Variants in GRM8 observed in about 807,000 individuals in gnomAD.
The protein encoded by GRM8 is metabotropic glutamate receptor 8.
GRM8 carries 47 observed loss-of-function variants against 87.2 expected under a neutral mutation model. The observed-to-expected ratio is 0.54, with a 90% CI of 0.43 to 0.69. GRM8 has a LOEUF of 0.69. Ranked by LOEUF, GRM8 falls within the 30% of genes least tolerant of loss-of-function variation. The pLI is 0.00. For missense variants in GRM8, 1,019 were observed against 1,139.2 expected (o/e 0.89, Z 1.52); for synonymous variants, 396 against 404.5 (o/e 0.98, Z 0.25).
In GRM8 at chr7:126,609,503, A is replaced by G. The variant is rs376941401; in HGVS notation, c.1358-5T>C. On this transcript the variant is annotated splice_polypyrimidine_tract_variant and splice_region_variant and intron_variant, in intron 7 of 10. Coordinates refer to ENST00000339582, the MANE Select transcript of GRM8 (RefSeq NM_000845.3). The stretch of plus-strand genomic sequence containing the variant: ...TGACAGGAGTGCCAGCACTGCCTAT[A>G]AAGATTTAGAAAACAATGTTAATAA... 66 of 1,603,874 alleles carry G rather than the reference A, an allele frequency of 4.1e-5. No homozygotes were observed. The highest frequency in any genetic ancestry group is 5.5e-5 in the Non-Finnish European group (65 of 1,174,752).
intron 2 of GRM8, among the ~76,000 whole-genome samples, chr7:127,197,821 G>T (rs772518447): frequency 4.6e-5 from 7 of 152,094 alleles, no homozygotes; most frequent in African/African-American, 1.7e-4. Flanking sequence ...TAAATGATGT[G>T]GGGCACAGAA....
intron 7 of GRM8, among the ~76,000 whole-genome samples, chr7:126,765,711 T>C (rs1352133086): frequency 6.6e-6 from 1 of 152,118 alleles, no homozygotes; most frequent in Non-Finnish European, 1.5e-5. Context: ...TTAAAAATTA[T>C]AGAAATAACA....
intron 9 of GRM8, among the ~76,000 whole-genome samples, chr7:126,480,241 C>T (rs144261112): frequency 0.013 from 1,971 of 152,000 alleles, 42 homozygotes; most frequent in African/African-American, 0.046. Context: ...AGAAATTAGC[C>T]GGGTGTGGGG....
Position 127,243,147 on chromosome 7 carries a change from T to C in GRM8, c.58A>G (p.Lys20Glu). The C allele has an allele frequency of 6.2e-7, 1 of 1,613,722 alleles. No homozygotes were observed. The highest frequency in any genetic ancestry group is 1.1e-5 in the South Asian group (1 of 91,076). The change falls in exon 2 of 11, where the codon AAG (lysine) becomes GAG (glutamate). Residue 20 changes from lysine (K) to glutamate (E), a missense_variant. By Grantham distance (56) the Lys-to-Glu change is moderately conservative (BLOSUM62 1). Coordinates refer to ENST00000339582, the MANE Select transcript of GRM8 (RefSeq NM_000845.3). ...SCPCFFLLTAKFYWILTMMQR... is the reference protein window; with the variant it reads ...SCPCFFLLTAEFYWILTMMQR... Reference sequence around the variant, plus strand: ...ATCATTGTGAGGATCCAGTAGAACTTGGCGGTCAAGAGGAAGAAACAAGGG... The same window carrying C: ...ATCATTGTGAGGATCCAGTAGAACTCGGCGGTCAAGAGGAAGAAACAAGGG...
intron 8 of GRM8, among the ~76,000 whole-genome samples, chr7:126,546,765 A>G (rs564574551): frequency 2.0e-5 from 3 of 152,282 alleles, no homozygotes; most frequent in African/African-American, 7.2e-5. Flanking sequence ...TTACAGTAAG[A>G]TACTCTCTCC....
chr7:126,642,659 C>T (rs887577230), intron 7 of GRM8, among the ~76,000 whole-genome samples: 2 of 151,618 alleles, frequency 1.3e-5, no homozygotes, highest in East Asian at 3.9e-4. Flanking sequence ...ATAATAATAA[C>T]AATAATAATA....
chr7:127,144,398 T>C (rs970150869), intron 2 of GRM8, among the ~76,000 whole-genome samples: 1 of 152,116 alleles, frequency 6.6e-6, no homozygotes, highest in Non-Finnish European at 1.5e-5. Flanking sequence ...CAGTGCTGTT[T>C]TGGGAAAGCA....
At chr7:126,537,517 T>C (rs1287637283) in intron 8 of GRM8, among the ~76,000 whole-genome samples, 1 of 152,098 alleles carries the variant, frequency 6.6e-6, no homozygotes, top group Admixed American at 6.6e-5. Flanking sequence ...TGGCTCAAGC[T>C]TGTAATCCTA....
intron 2 of GRM8, among the ~76,000 whole-genome samples, chr7:127,174,387 G>A (rs1194920502): frequency 6.6e-6 from 1 of 152,116 alleles, no homozygotes. Flanking sequence ...CCCATTCTCT[G>A]AACAGAAGGA....
intron 3 of GRM8, among the ~76,000 whole-genome samples, chr7:126,908,954 A>G (rs1314007700): frequency 6.6e-6 from 1 of 152,204 alleles, no homozygotes; most frequent in Admixed American, 6.5e-5. Context: ...GAAGACTGGG[A>G]TTATTTCCTT....
chr7:127,178,473 A>T (rs1794242069), intron 2 of GRM8, among the ~76,000 whole-genome samples: 1 of 152,222 alleles, frequency 6.6e-6, no homozygotes, highest in Non-Finnish European at 1.5e-5. Flanking sequence ...CTAGAGACCT[A>T]CACATCCACA....
At chr7:127,032,494 G>C (rs1386592052) in intron 3 of GRM8, among the ~76,000 whole-genome samples, 13 of 152,118 alleles carry the variant, frequency 8.5e-5, no homozygotes, top group Non-Finnish European at 1.5e-5. Flanking sequence ...CACCAAAGAA[G>C]ACTATTCCAA....
intron 7 of GRM8, among the ~76,000 whole-genome samples, chr7:126,637,689 T>C (rs1470607829): frequency 6.6e-6 from 1 of 152,128 alleles, no homozygotes; most frequent in Admixed American, 6.6e-5. Context: ...CAAATTTAAT[T>C]TGAGTAATTA....
intron 8 of GRM8, among the ~76,000 whole-genome samples, chr7:126,574,614 C>A (rs1194940786): frequency 6.6e-6 from 1 of 152,112 alleles, no homozygotes; most frequent in Non-Finnish European, 1.5e-5. Flanking sequence ...GATGTGTTTT[C>A]CAACTCTCTC....
intron 3 of GRM8, among the ~76,000 whole-genome samples, chr7:127,094,886 TC>T (rs1193057425): frequency 2.0e-5 from 3 of 152,158 alleles, no homozygotes; most frequent in Non-Finnish European, 1.5e-5. Flanking sequence ...GAGGCTAAAT[TC>T]CTTTATACTT....
intron 7 of GRM8, among the ~76,000 whole-genome samples, chr7:126,732,249 T>C (rs756947475): frequency 6.6e-6 from 1 of 152,108 alleles, no homozygotes; most frequent in East Asian, 1.9e-4. Context: ...TTAATGATGA[T>C]AAAAGACCAG....
At chr7:126,645,115 C>T (rs1383228203) in intron 7 of GRM8, among the ~76,000 whole-genome samples, 1 of 152,166 alleles carries the variant, frequency 6.6e-6, no homozygotes, top group African/African-American at 2.4e-5. Flanking sequence ...TAACCCTTTC[C>T]TTGCTCAGGG....
chr7:126,677,508 ATAC>A (rs1807103229), intron 7 of GRM8, among the ~76,000 whole-genome samples: 2 of 152,312 alleles, frequency 1.3e-5, no homozygotes, highest in Non-Finnish European at 2.9e-5. Context: ...ACACCATGGA[ATAC>A]TACTCAGCCA....
intron 2 of GRM8, among the ~76,000 whole-genome samples, chr7:127,220,206 A>G (rs1172201523): frequency 6.6e-6 from 1 of 152,164 alleles, no homozygotes; most frequent in Non-Finnish European, 1.5e-5. Context: ...TCCCAACTTT[A>G]TCTTTTCTCA....
Sources: allele counts gnomAD v4.1 joint callset (sites outside exome capture counted in the v4.1 genomes callset), GRCh38; gene constraint gnomAD v4.1.1; transcripts MANE v1.5; gene names NCBI Gene and HGNC (gene_info 2026-07-23, HGNC 2026-07-21).